Variants in BICC1 observed in about 807,000 individuals in gnomAD.
BICC1 encodes protein bicaudal C homolog 1.
Under a neutral mutation model 111.0 loss-of-function variants are expected in BICC1, and 43 were observed. That is an observed-to-expected ratio of 0.39 (90% CI 0.30 to 0.50). The LOEUF (loss-of-function observed/expected upper bound fraction) is 0.50, where lower values mean the gene tolerates loss of function less well. Among genes scored for constraint, BICC1 ranks in the 20% least tolerant of loss-of-function variants. The probability of loss-of-function intolerance (pLI) is 0.88; values close to 1 mark genes in which losing one functional copy is unlikely to be tolerated. For synonymous variants in BICC1, 467 were observed against 434.4 expected, an observed-to-expected ratio of 1.07 and a Z score of -0.93; for missense variants, 1,091 against 1,203.2, an observed-to-expected ratio of 0.91 and a Z score of 1.38.
intron 2 of BICC1, among the ~76,000 whole-genome samples, chr10:58,628,916 C>G (rs932104023): frequency 2.0e-5 from 3 of 152,126 alleles, no homozygotes; most frequent in Admixed American, 6.5e-5. Context: ...ATAGATGTCA[C>G]TCATATGTTG....
At chr10:58,744,294 C>G (rs1038071553) in intron 3 of BICC1, among the ~76,000 whole-genome samples, 1 of 151,852 alleles carries the variant, frequency 6.6e-6, no homozygotes, top group Non-Finnish European at 1.5e-5. Flanking sequence ...TTTAATAATG[C>G]CTGTTTTGTA....
At chr10:58,551,777 T>C (rs191670119) in intron 1 of BICC1, among the ~76,000 whole-genome samples, 199 of 152,338 alleles carry the variant, frequency 1.3e-3, no homozygotes, top group African/African-American at 4.7e-3. Flanking sequence ...AGGACTTTTA[T>C]GACTTCTGAC....
chr10:58,731,619 C>T lies in BICC1; in HGVS notation c.307+29476C>T, dbSNP rs530533524. On this transcript the variant is annotated intron_variant, in intron 3 of 20. Transcript: ENST00000373886. ...GGCTGTGTAGGAAGCTTGGCAGCATCTGCCTCTGGGGAGGCCTCAGGAAGC... is the reference window on the plus strand; with the variant it reads ...GGCTGTGTAGGAAGCTTGGCAGCATTTGCCTCTGGGGAGGCCTCAGGAAGC... 7.2e-5 allele frequency among the ~76,000 whole-genome samples: 11 copies of T among 152,264 alleles called. No homozygotes were observed. The South Asian group carries it at 2.3e-3, about 32-fold the overall frequency.
chr10:58,759,858 C>T (rs548405861), intron 3 of BICC1, among the ~76,000 whole-genome samples: 122 of 151,644 alleles, frequency 8.0e-4, no homozygotes, highest in Middle Eastern at 3.4e-3. Context: ...ACTCAGGAGG[C>T]TGAGGCAGGG....
At chr10:58,688,693 T>C (rs1167501054) in intron 2 of BICC1, among the ~76,000 whole-genome samples, 1 of 152,184 alleles carries the variant, frequency 6.6e-6, no homozygotes, top group Admixed American at 6.5e-5. Context: ...TGTAATACTA[T>C]GCAGCCATAA....
At chr10:58,758,861 A>AT (rs538321080) in intron 3 of BICC1, among the ~76,000 whole-genome samples, 32 of 151,214 alleles carry the variant, frequency 2.1e-4, no homozygotes, top group African/African-American at 4.1e-4. Flanking sequence ...TTCTAATAAG[A>AT]TTTTTTTTAA....
At chr10:58,649,927 A>G (rs1457510396) in intron 2 of BICC1, among the ~76,000 whole-genome samples, 1 of 152,162 alleles carries the variant, frequency 6.6e-6, no homozygotes, top group East Asian at 1.9e-4. Flanking sequence ...CTACCACCCA[A>G]TATTGAGATA....
At chr10:58,688,483 C>G (rs1303041129) in intron 2 of BICC1, among the ~76,000 whole-genome samples, 1 of 152,064 alleles carries the variant, frequency 6.6e-6, no homozygotes, top group African/African-American at 2.4e-5. Context: ...CCCCCCTGAC[C>G]CAGAAGCCCA....
intron 2 of BICC1, among the ~76,000 whole-genome samples, chr10:58,631,582 C>A (rs952562869): frequency 1.3e-4 from 19 of 151,664 alleles, no homozygotes; most frequent in Non-Finnish European, 1.8e-4. Flanking sequence ...CTTTTGTCAC[C>A]CTGGATTATC....
At chr10:58,818,652 CA>C (rs1483693461) in intron 19 of BICC1, among the ~76,000 whole-genome samples, 1 of 151,908 alleles carries the variant, frequency 6.6e-6, no homozygotes, top group East Asian at 1.9e-4. Flanking sequence ...ACTGAAAGGG[CA>C]ATTGTTGTGT....
At chr10:58,809,592 T>C (rs1843835261) in intron 17 of BICC1, among the ~76,000 whole-genome samples, 1 of 152,166 alleles carries the variant, frequency 6.6e-6, no homozygotes, top group African/African-American at 2.4e-5. Flanking sequence ...GGACTTACTT[T>C]ATCCTGAAGA....
At chr10:58,736,403 G>T (rs578099356) in intron 3 of BICC1, among the ~76,000 whole-genome samples, 1 of 152,028 alleles carries the variant, frequency 6.6e-6, no homozygotes, top group Admixed American at 6.5e-5. Context: ...GTAGAATTTT[G>T]TGATTAAATT....
At chr10:58,648,162 T>C (rs974695100) in intron 2 of BICC1, among the ~76,000 whole-genome samples, 1 of 152,244 alleles carries the variant, frequency 6.6e-6, no homozygotes, top group Non-Finnish European at 1.5e-5. Flanking sequence ...GTAAGGGCAG[T>C]GTCTGCTCTT....
At chr10:58,547,447 C>G (rs1015112067) in intron 1 of BICC1, among the ~76,000 whole-genome samples, 6 of 152,164 alleles carry the variant, frequency 3.9e-5, no homozygotes, top group Non-Finnish European at 7.4e-5. Context: ...AGGGTGTACA[C>G]TATTGTGTCA....
At chr10:58,814,413 GTT>G in intron 18 of BICC1, 1 of 391,080 alleles carries the variant, frequency 2.6e-6, no homozygotes, top group South Asian at 3.6e-5. Flanking sequence ...CTCAGTAAAA[GTT>G]TGTGAAATGA....
At chr10:58,711,698 A>G (rs1462379833) in intron 3 of BICC1, among the ~76,000 whole-genome samples, 3 of 152,076 alleles carry the variant, frequency 2.0e-5, no homozygotes, top group Admixed American at 1.3e-4. Context: ...TGTTCTTTCC[A>G]ATCTTTTTTC....
intron 3 of BICC1, among the ~76,000 whole-genome samples, chr10:58,772,833 T>G (rs1025471235): frequency 3.3e-5 from 5 of 152,198 alleles, no homozygotes; most frequent in African/African-American, 1.2e-4. Flanking sequence ...GTGTACTGCA[T>G]ATATCTTTAA....
chr10:58,818,577 T>A (rs190037337), intron 19 of BICC1, among the ~76,000 whole-genome samples: 1 of 152,266 alleles, frequency 6.6e-6, no homozygotes, highest in Admixed American at 6.5e-5. Context: ...GTATCATAAA[T>A]TCAATGTACT....
chr10:58,524,721 T>G (rs2131835178), intron 1 of BICC1, among the ~76,000 whole-genome samples: 1 of 151,900 alleles, frequency 6.6e-6, no homozygotes, highest in Middle Eastern at 3.4e-3. Flanking sequence ...GGGATCTAAT[T>G]AAACTAAAGA....
Sources: allele counts gnomAD v4.1 joint callset (sites outside exome capture counted in the v4.1 genomes callset), GRCh38; gene constraint gnomAD v4.1.1; transcripts MANE v1.5; gene names NCBI Gene and HGNC (gene_info 2026-07-23, HGNC 2026-07-21).